TAOK3: variants seen among roughly 807,000 people sequenced by gnomAD.
TAOK3 encodes TAO kinase 3.
Under a neutral mutation model 120.4 loss-of-function variants are expected in TAOK3, and 40 were observed. The ratio of observed to expected loss-of-function variants is 0.33; its 90% confidence interval spans 0.26 to 0.43. TAOK3 has a LOEUF of 0.43. TAOK3 is among the 20% of genes least tolerant of loss of function. The pLI, the probability that TAOK3 is intolerant of heterozygous loss-of-function variation, is 1.00. For missense variants in TAOK3, 821 were observed against 1,112.1 expected (o/e 0.74, Z 3.72); for synonymous variants, 355 against 387.5 (o/e 0.92, Z 0.99).
At chr12:118,310,568 G>T (rs1225142880) in intron 1 of TAOK3, among the ~76,000 whole-genome samples, 1 of 152,038 alleles carries the variant, frequency 6.6e-6, no homozygotes, top group African/African-American at 2.4e-5. Flanking sequence ...ATTTTTCTTG[G>T]AGTTCACAGA....
chr12:118,217,501 C>T (rs1417751364), intron 9 of TAOK3, among the ~76,000 whole-genome samples: 1 of 151,780 alleles, frequency 6.6e-6, no homozygotes, highest in African/African-American at 2.4e-5. Flanking sequence ...GCCTGGCCAA[C>T]ATGGTAAAAC....
At chr12:118,322,478 C>A (rs2043752995) in intron 1 of TAOK3, among the ~76,000 whole-genome samples, 1 of 151,880 alleles carries the variant, frequency 6.6e-6, no homozygotes, top group African/African-American at 2.4e-5. Context: ...CAGAGGTCAG[C>A]AAACTTTTCT....
At chr12:118,229,836 C>T (rs2039682736) in intron 9 of TAOK3, among the ~76,000 whole-genome samples, 1 of 152,018 alleles carries the variant, frequency 6.6e-6, no homozygotes, top group African/African-American at 2.4e-5. Flanking sequence ...GAGCCTGAGG[C>T]AGGAGAATCA....
chr12:118,168,957 T>TTGCTTTCCTTCCTTCCTTCC (rs1300287948), intron 17 of TAOK3, among the ~76,000 whole-genome samples: 1 of 147,672 alleles, frequency 6.8e-6, no homozygotes, highest in African/African-American at 2.5e-5. Context: ...GCTTGCTTGC[T>TTGCTTTCCTTCCTTCCTTCC]TTCCTTCCTT....
chr12:118,263,402 A>G (rs2041315101), intron 2 of TAOK3, among the ~76,000 whole-genome samples: 1 of 152,234 alleles, frequency 6.6e-6, no homozygotes, highest in South Asian at 2.1e-4. Flanking sequence ...ACGAAGGTAC[A>G]GGAGAAAATA....
intron 14 of TAOK3, among the ~76,000 whole-genome samples, chr12:118,187,635 C>T (rs997873268): frequency 2.0e-5 from 3 of 152,034 alleles, no homozygotes; most frequent in Non-Finnish European, 2.9e-5. Context: ...GATACAAATA[C>T]CATTGAACTC....
intron 4 of TAOK3, among the ~76,000 whole-genome samples, chr12:118,243,921 C>T (rs887803033): frequency 4.6e-5 from 7 of 152,216 alleles, no homozygotes; most frequent in Admixed American, 1.3e-4. Context: ...TCAGGTGATC[C>T]GCCCACCTTG....
At chr12:118,368,950 G>GGA (rs1378117924) in intron 1 of TAOK3, among the ~76,000 whole-genome samples, 2 of 150,022 alleles carry the variant, frequency 1.3e-5, no homozygotes, top group Admixed American at 6.6e-5. Flanking sequence ...CTTGAGCTCA[G>GGA]GAGATTGAGA....
intron 15 of TAOK3, among the ~76,000 whole-genome samples, chr12:118,178,975 G>C (rs867499582): frequency 1.3e-5 from 2 of 152,234 alleles, no homozygotes; most frequent in Middle Eastern, 6.8e-3. Flanking sequence ...CTCTTTTTAC[G>C]TATCTTTTTC....
chr12:118,321,412 C>A (rs1217042036), intron 1 of TAOK3, among the ~76,000 whole-genome samples: 1 of 152,140 alleles, frequency 6.6e-6, no homozygotes, highest in African/African-American at 2.4e-5. Context: ...TGGTGCACGC[C>A]ACCACATCTG....
rs111590400 is a variant in TAOK3, at chr12:118,208,246, T to G, written c.819+4668A>C. 8.4e-3 allele frequency among the ~76,000 whole-genome samples: 1,273 copies of G among 152,282 alleles called. 17 individuals are homozygous for G. The highest frequency in any genetic ancestry group is 0.03 in the African/African-American group (1,232 of 41,556). ...TAAGTGTGAAAGTGATGTTTTAATG[T>G]CAGGGCAAAAATGCATGGAAAAGAT... On this transcript the variant is annotated intron_variant, in intron 11 of 20. Coordinates refer to ENST00000392533, the MANE Select transcript of TAOK3 (RefSeq NM_016281.4).
intron 1 of TAOK3, among the ~76,000 whole-genome samples, chr12:118,356,809 C>T (rs2045416576): frequency 6.6e-6 from 1 of 151,954 alleles, no homozygotes; most frequent in Non-Finnish European, 1.5e-5. Flanking sequence ...GTAGTCTCGG[C>T]TACTGGGGAG....
chr12:118,317,132 G>A (rs2043497192), intron 1 of TAOK3, among the ~76,000 whole-genome samples: 1 of 151,872 alleles, frequency 6.6e-6, no homozygotes, highest in South Asian at 2.1e-4. Context: ...GTGTGGTGGT[G>A]CACGCCTGTA....
chr12:118,323,231 G>T lies in TAOK3; in HGVS notation c.-194+49417C>A, dbSNP rs77858367. On this transcript the variant is annotated intron_variant, in intron 1 of 20. Coordinates refer to ENST00000392533, the MANE Select transcript of TAOK3 (RefSeq NM_016281.4). ...AACAATATATCTAATATTGAGATCT[G>T]GCAATGAAATAGAAAGATCAATGAA... Among the ~76,000 whole-genome samples, 1,161 of 152,072 alleles carry T rather than the reference G, an allele frequency of 7.6e-3. 12 individuals carry two copies. Among genetic ancestry groups the T allele is most frequent in the African/African-American group, 0.027 (1,130 of 41,472 alleles).
At chr12:118,176,174 A>C (rs752528764) in intron 16 of TAOK3, among the ~76,000 whole-genome samples, 13 of 152,198 alleles carry the variant, frequency 8.5e-5, no homozygotes, top group South Asian at 2.1e-4. Flanking sequence ...AAGGAGGAGA[A>C]GTAGGAATTA....
chr12:118,209,772 G>A (rs1051775002), intron 11 of TAOK3, among the ~76,000 whole-genome samples: 16 of 150,060 alleles, frequency 1.1e-4, no homozygotes, highest in Non-Finnish European at 1.5e-5. Context: ...GAAGTGCAAT[G>A]GCAGGATCTC....
At chr12:118,257,035 T>C (rs1279350027) in intron 2 of TAOK3, among the ~76,000 whole-genome samples, 1 of 152,218 alleles carries the variant, frequency 6.6e-6, no homozygotes, top group Non-Finnish European at 1.5e-5. Flanking sequence ...TATTATCTCC[T>C]TTAATCCCTA....
chr12:118,235,774 A>G (rs2039997242), intron 7 of TAOK3, 103 bp from the exon 8 acceptor site: 1 of 690,418 alleles, frequency 1.4e-6, no homozygotes, highest in East Asian at 2.8e-5. Flanking sequence ...TTAAACGAAC[A>G]AACAAACAAA....
rs1343126523 is a variant in TAOK3 at position 118,371,577 on chromosome 12, T to C, written c.-194+1071A>G. ...CACACTCCACCCTCAGGGAGGTCGC[T>C]GATGCCAGACCCTGGGAGCACCTCC... is the stretch of plus-strand genomic sequence containing the variant. On this transcript the variant is annotated intron_variant, in intron 1 of 20. Coordinates refer to ENST00000392533, the MANE Select transcript of TAOK3 (RefSeq NM_016281.4). This position sits in a 1 kb window ranked among gnomAD's most constrained non-coding sequence, Gnocchi z 5.5. Among the ~76,000 whole-genome samples, 1 of 151,986 alleles carries C rather than the reference T, an allele frequency of 6.6e-6. No homozygotes were observed. The highest frequency in any genetic ancestry group is 2.4e-5 in the African/African-American group (1 of 41,414).
Sources: allele counts gnomAD v4.1 joint callset (sites outside exome capture counted in the v4.1 genomes callset), GRCh38; gene constraint gnomAD v4.1.1; non-coding constraint Gnocchi (gnomAD v3.1); transcripts MANE v1.5; gene names NCBI Gene and HGNC (gene_info 2026-07-23, HGNC 2026-07-21).